HSPA4L: variants seen among roughly 807,000 people sequenced by gnomAD.
HSPA4L encodes the protein heat shock protein family A (Hsp70) member 4 like, also known as heat shock 70 kDa protein 4L.
In HSPA4L, 48 loss-of-function variants were observed where a neutral mutation model predicts 100.3. That is an observed-to-expected ratio of 0.48 (90% CI 0.38 to 0.61). HSPA4L has a LOEUF of 0.61. Ranked by LOEUF, HSPA4L falls within the 20% of genes least tolerant of loss-of-function variation. HSPA4L has a pLI of 0.00. For missense variants in HSPA4L, 886 were observed against 988.6 expected (o/e 0.90, Z 1.39); for synonymous variants, 319 against 328.2 (o/e 0.97, Z 0.30).
intron 13 of HSPA4L, among the ~76,000 whole-genome samples, chr4:127,819,364 C>T (rs1211738063): frequency 6.6e-6 from 1 of 152,040 alleles, no homozygotes; most frequent in Non-Finnish European, 1.5e-5. Flanking sequence ...AAATTCTATG[C>T]AGGTTAGCCA....
At position 127,832,724 on chromosome 4, in the gene HSPA4L, A is replaced by T; in HGVS notation, c.2370A>T (p.Lys790Asn). 6.2e-7 allele frequency: 1 copy of T among 1,613,034 alleles called. No homozygotes were observed. The highest frequency in any genetic ancestry group is 8.5e-7 in the Non-Finnish European group (1 of 1,179,462). ...NFCNPIIYKP[K>N]PKAEVPEDKP... is the part of the protein sequence containing the mutation. ...GTAACCCCATCATTTACAAGCCCAA[A>T]CCAAAAGCAGAAGTTCCTGAAGACA... Residue 790 changes from lysine (K) to asparagine (N), a missense_variant, in exon 19 of 19, where the codon AAA (lysine) becomes AAT (asparagine). By Grantham distance (94) the Lys-to-Asn change is moderately conservative. Coordinates refer to ENST00000296464, the MANE Select transcript of HSPA4L (RefSeq NM_014278.4).
rs777918944 is a variant in HSPA4L, at chr4:127,818,388, G to A, written c.1642G>A (p.Glu548Lys). Residue 548 changes from glutamate to lysine, a missense_variant, in exon 13 of 19, where the codon GAG (glutamate) becomes AAG (lysine). By Grantham distance (56) the Glu-to-Lys change is moderately conservative. Coordinates refer to ENST00000296464, the MANE Select transcript of HSPA4L (RefSeq NM_014278.4). ...QKCHAEHTPE[E>K]EIDHTGAKTK... ...ATGTCATGCTGAACACACTCCAGAA[G>A]AGGAAATTGATCATACAGGAGCCAA... 4.6e-5 allele frequency: 74 copies of A among 1,609,764 alleles called. No individual in the cohort carries two copies. Among genetic ancestry groups the A allele is most frequent in the Non-Finnish European group, 6.1e-5 (72 of 1,177,570 alleles).
intron 13 of HSPA4L, among the ~76,000 whole-genome samples, chr4:127,819,801 G>A (rs1733761180): frequency 6.6e-6 from 1 of 152,132 alleles, no homozygotes; most frequent in Non-Finnish European, 1.5e-5. Flanking sequence ...GAATATATCA[G>A]TATTCCTTTT....
chr4:127,828,597 T>C (rs1269149252), intron 17 of HSPA4L, among the ~76,000 whole-genome samples: 1 of 152,102 alleles, frequency 6.6e-6, no homozygotes, highest in Non-Finnish European at 1.5e-5. Flanking sequence ...GAATTACTTA[T>C]TTTAGAAATA....
At chr4:127,797,031 C>A (rs1343395008) in intron 3 of HSPA4L, among the ~76,000 whole-genome samples, 2 of 152,220 alleles carry the variant, frequency 1.3e-5, no homozygotes, top group East Asian at 3.9e-4. Context: ...TACACAGTTC[C>A]ATTTTTAGAA....
intron 3 of HSPA4L, 47 bp from the exon 4 acceptor site, chr4:127,798,540 T>G: frequency 6.3e-7 from 1 of 1,597,788 alleles, no homozygotes; most frequent in Non-Finnish European, 8.6e-7. Context: ...GAATATTTGT[T>G]GGATAAACAA....
In HSPA4L at chr4:127,840,125, G is replaced by C. The variant is rs980825547; in HGVS notation, c.*7251G>C. 1 of 152,256 alleles carries C rather than the reference G, an allele frequency of 6.6e-6. No individual in the cohort carries two copies. The highest frequency in any genetic ancestry group is 1.5e-5 in the Non-Finnish European group (1 of 68,128). The allele number at this position is 152,256 out of a possible 1,614,324, so 9.4% of individuals were successfully genotyped here. A position where few individuals can be genotyped will look rare whatever the true frequency, so the allele number is the denominator to read the frequency against. Reference sequence around the variant, plus strand: ...AATCCCAGCTACTCGGGAGGCTGAGGTGGGAGAATAGCTTGAACCTGGGAG... The same window carrying C: ...AATCCCAGCTACTCGGGAGGCTGAGCTGGGAGAATAGCTTGAACCTGGGAG... On this transcript the variant is annotated 3_prime_UTR_variant, in exon 19 of 19. Coordinates refer to ENST00000296464, the MANE Select transcript of HSPA4L (RefSeq NM_014278.4).
intron 17 of HSPA4L, among the ~76,000 whole-genome samples, chr4:127,829,459 A>C (rs1482020561): frequency 6.6e-6 from 1 of 152,090 alleles, no homozygotes; most frequent in East Asian, 1.9e-4. Flanking sequence ...ACAGCAAGAA[A>C]TGATGGAGGC....
chr4:127,794,241 A>T, intron 2 of HSPA4L, 107 bp downstream of exon 2: 1 of 757,924 alleles, frequency 1.3e-6, no homozygotes, highest in Admixed American at 2.2e-5. Flanking sequence ...AGTGAGGAAA[A>T]TAGGACAGGT....
At chr4:127,795,600 A>G (rs368438860) in intron 2 of HSPA4L, among the ~76,000 whole-genome samples, 168 bp from the exon 3 acceptor site, 1 of 152,162 alleles carries the variant, frequency 6.6e-6, no homozygotes, top group Non-Finnish European at 1.5e-5. Context: ...GTACATTCTC[A>G]TTGTATGACT....
Position 127,811,651 on chromosome 4 carries a change from T to C in HSPA4L, c.1578+15T>C. On this transcript the variant is annotated intron_variant, in intron 12 of 18. Coordinates refer to ENST00000296464, the MANE Select transcript of HSPA4L (RefSeq NM_014278.4). ...AAGATAATATGGTATGTAGAAATTC[T>C]TTCTCAATGTTCTTGTAATAGATAG... 1 of 1,567,532 alleles carries C rather than the reference T, an allele frequency of 6.4e-7. No individual in the cohort carries two copies. Among genetic ancestry groups the C allele is most frequent in the Non-Finnish European group, 8.7e-7 (1 of 1,145,582 alleles).
intron 1 of HSPA4L, among the ~76,000 whole-genome samples, chr4:127,787,869 A>AGCACT (rs1243920140): frequency 6.6e-6 from 1 of 152,156 alleles, no homozygotes; most frequent in Non-Finnish European, 1.5e-5. Context: ...GGTTTAATAT[A>AGCACT]GCACTGATAG....
chr4:127,830,256 GAATTT>G (rs1057324985), intron 17 of HSPA4L, among the ~76,000 whole-genome samples: 2 of 152,056 alleles, frequency 1.3e-5, no homozygotes, highest in Non-Finnish European at 2.9e-5. Context: ...TTCTAATCAA[GAATTT>G]AATATGCTTT....
intron 15 of HSPA4L, among the ~76,000 whole-genome samples, chr4:127,823,126 G>T (rs1560669198): frequency 6.6e-6 from 1 of 151,926 alleles, no homozygotes. Context: ...AAAACATTCT[G>T]TCCTTCCATG....
At chr4:127,809,633 A>T (rs1304470427) in intron 11 of HSPA4L, among the ~76,000 whole-genome samples, 4 of 152,204 alleles carry the variant, frequency 2.6e-5, no homozygotes, top group Non-Finnish European at 4.4e-5. Flanking sequence ...AAGAAGGGTA[A>T]TCAGGATGAT....
chr4:127,823,339 T>C (rs1409260009), intron 15 of HSPA4L, among the ~76,000 whole-genome samples, 178 bp from the exon 16 acceptor site: 1 of 152,046 alleles, frequency 6.6e-6, no homozygotes, highest in Non-Finnish European at 1.5e-5. Context: ...TGTAGAAATA[T>C]GATTTTGCCA....
At chr4:127,824,773 G>T (rs761788982) in intron 16 of HSPA4L, among the ~76,000 whole-genome samples, 1 of 152,206 alleles carries the variant, frequency 6.6e-6, no homozygotes, top group Non-Finnish European at 1.5e-5. Flanking sequence ...TTTTAGGTCA[G>T]TGGTGTTATT....
rs1197310305 is a variant in HSPA4L, at chr4:127,834,988, T to TCAA, written c.*2116_*2118dup. 2.6e-5 allele frequency: 4 copies of TCAA among 152,320 alleles called. No individual in the cohort carries two copies. Among genetic ancestry groups the TCAA allele is most frequent in the Admixed American group, 2.6e-4 (4 of 15,302 alleles). The allele number at this position is 152,320 out of a possible 1,614,324, so 9.4% of individuals were successfully genotyped here. A position where few individuals can be genotyped will look rare whatever the true frequency, so the allele number is the denominator to read the frequency against. On this transcript the variant is annotated 3_prime_UTR_variant, in exon 19 of 19. Coordinates refer to ENST00000296464, the MANE Select transcript of HSPA4L (RefSeq NM_014278.4). ...ATATATACTTTTTCTACCCAATTAT[T>TCAA]CAACTTAAAAGATTTCAAAAACGAT...
upstream of HSPA4L, chr4:127,782,234 G>A: frequency 7.6e-6 from 3 of 397,172 alleles, no homozygotes; most frequent in South Asian, 6.5e-5. Flanking sequence ...GCTGGCTCGG[G>A]CGCGGAGCGG....
Sources: allele counts gnomAD v4.1 joint callset (sites outside exome capture counted in the v4.1 genomes callset), GRCh38; gene constraint gnomAD v4.1.1; transcripts MANE v1.5; gene names NCBI Gene and HGNC (gene_info 2026-07-23, HGNC 2026-07-21).